GRK6: variants seen among roughly 807,000 people sequenced by gnomAD.
GRK6 encodes the protein G protein-coupled receptor kinase 6.
A neutral mutation model predicts 80.8 loss-of-function variants in GRK6; 37 were observed. That is an observed-to-expected ratio of 0.46 (90% confidence interval 0.35 to 0.60). The LOEUF (loss-of-function observed/expected upper bound fraction) is 0.60. Ranked by LOEUF, GRK6 falls within the 20% of genes least tolerant of loss-of-function variation. GRK6 has a pLI of 0.00. For synonymous variants in GRK6, 295 were observed against 320.9 expected (o/e 0.92, Z 0.86); for missense variants, 560 against 784.6 (o/e 0.71, Z 3.42).
chr5:177,432,998 T>C, intron 5 of GRK6, 149 bp from the exon 6 acceptor site: 1 of 775,050 alleles, frequency 1.3e-6, no homozygotes, highest in Non-Finnish European at 2.2e-6. Context: ...ACAGGCTGTG[T>C]GTCTCCCCGC....
chr5:177,439,984 G>C (rs1295163783), intron 13 of GRK6: 1 of 152,232 alleles, frequency 6.6e-6, no homozygotes, highest in African/African-American at 2.4e-5. Context: ...GAACATTCCT[G>C]TACAAGTTTT....
At chr5:177,436,611 C>T (rs1046764620) in intron 13 of GRK6, 81 bp downstream of exon 13, 46 of 1,328,486 alleles carry the variant, frequency 3.5e-5, no homozygotes, top group Non-Finnish European at 4.2e-5. Context: ...AGCCAGGATG[C>T]TTCCAGTGCA....
Position 177,428,172 on chromosome 5 carries a change from G to T in GRK6, c.52+1275G>T, listed in dbSNP as rs192115594. The stretch of plus-strand genomic sequence containing the variant: ...TAGGCCTTCCTCCCAGCCTCTGGGG[G>T]CATCTGCCGATTCTGTTCTGCCTCG... On this transcript the variant is annotated intron_variant, in intron 1 of 15. Coordinates refer to ENST00000355472, the MANE Select transcript of GRK6 (RefSeq NM_001004106.3). This position sits in a 1 kb window ranked among gnomAD's most constrained non-coding sequence, Gnocchi z 4.1. Among the ~76,000 whole-genome samples the T allele has an allele frequency of 2.0e-4, 31 of 152,366 alleles. No homozygotes were observed. The East Asian group carries it at 5.4e-3, about 27-fold the overall frequency.
chr5:177,433,700 C>G (rs777448597), intron 8 of GRK6, 24 bp downstream of exon 8: 1 of 1,612,700 alleles, frequency 6.2e-7, no homozygotes, highest in African/African-American at 1.3e-5. Context: ...GAGACTCTCC[C>G]TTCCCCTTGG....
At position 177,429,944 on chromosome 5, in the gene GRK6, C is replaced by T. The variant is rs1763818130; in HGVS notation, c.53-928C>T. 6.6e-6 allele frequency among the ~76,000 whole-genome samples: 1 copy of T among 152,136 alleles called. No individual in the cohort carries two copies. Among genetic ancestry groups the T allele is most frequent in the African/African-American group, 2.4e-5 (1 of 41,432 alleles). ...AGCTCTGGGAGGCTCAGGCCCCTTCCACCCTCCTCAACCTGGTGGCCCACA... is the reference window on the plus strand; with the variant it reads ...AGCTCTGGGAGGCTCAGGCCCCTTCTACCCTCCTCAACCTGGTGGCCCACA... On this transcript the variant is annotated intron_variant, in intron 1 of 15. Transcript: ENST00000355472. This position sits in a 1 kb window ranked among gnomAD's most constrained non-coding sequence, Gnocchi z 4.3.
Position 177,441,817 on chromosome 5 carries a change from G to GT in GRK6, c.*29dup. 6.2e-7 allele frequency: 1 copy of GT among 1,603,762 alleles called. No homozygotes were observed. The highest frequency in any genetic ancestry group is 8.5e-7 in the Non-Finnish European group (1 of 1,171,388). ...CCCCAGCCCGAGGCCCCCACCAGCA[G>GT]TTGGCGGTAGCAGCTACTCCGAGCG... On this transcript the variant is annotated 3_prime_UTR_variant, in exon 16 of 16. Transcript: ENST00000355472.
chr5:177,433,958 G>C lies in GRK6; in HGVS notation c.783G>C (p.Leu261=). 6.2e-7 allele frequency: 1 copy of C among 1,609,278 alleles called. No homozygotes were observed. The highest frequency in any genetic ancestry group is 8.5e-7 in the Non-Finnish European group (1 of 1,177,266). Residue 261 remains leucine (L), a synonymous_variant, in exon 9 of 16, where the codon CTG becomes CTC. Coordinates refer to ENST00000355472, the MANE Select transcript of GRK6 (RefSeq NM_001004106.3). ...YAYETKDALC[L]VLTLMNGGDL... is the part of the protein sequence containing the mutation. ...ATGAGACCAAGGACGCGCTGTGCCT[G>C]GTGCTGACACTGATGAACGGGGGCG...
Position 177,433,599 on chromosome 5 carries a change from C to T in GRK6, c.661C>T (p.Arg221Trp), listed in dbSNP as rs530467814. 2.5e-6 allele frequency: 4 copies of T among 1,614,088 alleles called. No homozygotes were observed. Among genetic ancestry groups the T allele is most frequent in the Non-Finnish European group, 2.5e-6 (3 of 1,180,004 alleles). ...MYACKKLEKK[R>W]IKKRKGEAMA... Reference sequence around the variant, plus strand: ...TGCCTGCAAGAAGCTAGAGAAAAAGCGGATCAAGAAGCGGAAAGGGGAGGC... The same window carrying T: ...TGCCTGCAAGAAGCTAGAGAAAAAGTGGATCAAGAAGCGGAAAGGGGAGGC... Residue 221 changes from arginine (R) to tryptophan (W), a missense_variant, in exon 8 of 16, where the codon CGG becomes TGG. Arg to Trp is a moderately radical substitution (Grantham distance 101). Around this residue, in one of 3 missense-constraint regions of GRK6, gnomAD observed 77 missense variants for 156.9 expected, o/e 0.49. Coordinates refer to ENST00000355472, the MANE Select transcript of GRK6 (RefSeq NM_001004106.3).
Position 177,436,034 on chromosome 5 carries a change from G to T in GRK6, c.1058-39G>T, listed in dbSNP as rs755399780. On this transcript the variant is annotated intron_variant, in intron 11 of 15. Transcript: ENST00000355472. ...CCTGGGGCCTGAGGGTCCACTGCCC[G>T]CCTCCTGCCCAGCCCTAACTCCCAT... 5.7e-6 allele frequency: 9 copies of T among 1,570,746 alleles called. No homozygotes were observed. The South Asian group carries it at 8.9e-5, about 16-fold the overall frequency.
At position 177,434,017 on chromosome 5, in the gene GRK6, C is replaced by T; in HGVS notation, c.842C>T (p.Ala281Val). ...TTCCACATCTACCACATGGGCCAGG[C>T]TGGCTTCCCCGAAGCGCGGGCCGTC... ...LKFHIYHMGQAGFPEARAVFY... is the reference protein window; with the variant it reads ...LKFHIYHMGQVGFPEARAVFY... Residue 281 changes from alanine (A) to valine (V), a missense_variant, in exon 9 of 16, where the codon GCT (alanine) becomes GTT (valine). This residue lies in a region of GRK6 where 77 missense variants were observed against 156.9 expected (regional missense o/e 0.49). Coordinates refer to ENST00000355472, the MANE Select transcript of GRK6 (RefSeq NM_001004106.3). The T allele has an allele frequency of 6.2e-7, 1 of 1,612,808 alleles. No individual in the cohort carries two copies.
At chr5:177,438,043 A>G (rs1764246923) in intron 13 of GRK6, among the ~76,000 whole-genome samples, 1 of 152,158 alleles carries the variant, frequency 6.6e-6, no homozygotes, top group Admixed American at 6.5e-5. Flanking sequence ...AGCCAGAAGG[A>G]ATTCCAGGTA....
Position 177,433,531 on chromosome 5 carries a change from C to T in GRK6, c.598-5C>T. 1.2e-6 allele frequency: 2 copies of T among 1,614,000 alleles called. No homozygotes were observed. Among genetic ancestry groups the T allele is most frequent in the Non-Finnish European group, 1.7e-6 (2 of 1,180,000 alleles). On this transcript the variant is annotated splice_polypyrimidine_tract_variant and splice_region_variant and intron_variant, in intron 7 of 15. Transcript: ENST00000355472. Reference sequence around the variant, plus strand: ...CCCCATTCGCCCCTGTCTGTCTGGCCACAGGTGTGCGCCTGCCAGGTGCGG... The same window carrying T: ...CCCCATTCGCCCCTGTCTGTCTGGCTACAGGTGTGCGCCTGCCAGGTGCGG...
At position 177,436,219 on chromosome 5, in the gene GRK6, A is replaced by T; in HGVS notation, c.1204A>T (p.Lys402Ter). 6.2e-7 allele frequency: 1 copy of T among 1,610,176 alleles called. No homozygotes were observed. Among genetic ancestry groups the T allele is most frequent in the Non-Finnish European group, 8.5e-7 (1 of 1,176,634 alleles). The change falls in exon 12 of 16, where the codon AAG (lysine) becomes TAG (stop). Residue 402 changes from lysine (K) to a stop codon, truncating the protein, a stop_gained. Coordinates refer to ENST00000355472, the MANE Select transcript of GRK6 (RefSeq NM_001004106.3). LOFTEE classifies it high-confidence loss of function. ...GCGGGAGGAGGTGGAGCGGCTGGTG[A>T]AGGAGGTCCCCGAGGAGTATTCCGA... ...IKREEVERLV[K>*]EVPEEYSERF...
intron 12 of GRK6, 22 bp from the exon 13 acceptor site, chr5:177,436,371 G>C: frequency 6.3e-7 from 1 of 1,575,684 alleles, no homozygotes; most frequent in East Asian, 2.4e-5. Flanking sequence ...TGGCCTGCCT[G>C]GCCGACTCAC....
intron 13 of GRK6, among the ~76,000 whole-genome samples, chr5:177,439,245 A>G (rs778964300): frequency 6.6e-6 from 1 of 152,204 alleles, no homozygotes; most frequent in Non-Finnish European, 1.5e-5. Context: ...ACCCATTTAA[A>G]GTGTACAATT....
chr5:177,435,471 G>A (rs1478413655), intron 11 of GRK6, among the ~76,000 whole-genome samples: 1 of 152,240 alleles, frequency 6.6e-6, no homozygotes, highest in Non-Finnish European at 1.5e-5. Flanking sequence ...CCAACATGAG[G>A]CCCCACATTC....
At chr5:177,425,937 G>A (rs528665529), upstream of GRK6, among the ~76,000 whole-genome samples, 1 of 152,252 alleles carries the variant, frequency 6.6e-6, no homozygotes, top group Non-Finnish European at 1.5e-5. Context: ...CTCATCCCGA[G>A]GTCTAGGGGT....
chr5:177,440,873 G>A, intron 14 of GRK6, 36 bp downstream of exon 14: 1 of 1,613,718 alleles, frequency 6.2e-7, no homozygotes, highest in Non-Finnish European at 8.5e-7. Flanking sequence ...TGGGCTCCAG[G>A]AGGCTGCCCT....
intron 3 of GRK6, 61 bp from the exon 4 acceptor site, chr5:177,432,172 C>G (rs777388507): frequency 1.9e-6 from 3 of 1,609,760 alleles, no homozygotes; most frequent in South Asian, 2.2e-5. Flanking sequence ...TGTGCCCCTC[C>G]TCCCCACACC....
Sources: allele counts gnomAD v4.1 joint callset (sites outside exome capture counted in the v4.1 genomes callset), GRCh38; gene constraint gnomAD v4.1.1; regional missense constraint gnomAD v4.1.1; non-coding constraint Gnocchi (gnomAD v3.1); transcripts MANE v1.5; gene names NCBI Gene and HGNC (gene_info 2026-07-23, HGNC 2026-07-21).